Variants in KIAA0825 observed in about 807,000 individuals in gnomAD.
KIAA0825 encodes KIAA0825, also known as uncharacterized protein KIAA0825.
A neutral mutation model predicts 147.6 loss-of-function variants in KIAA0825; 119 were observed. That is an observed-to-expected ratio of 0.81 (90% CI 0.69 to 0.94). KIAA0825 has a LOEUF of 0.94. Among genes scored for constraint, KIAA0825 ranks in the 40% least tolerant of loss-of-function variants. The pLI, the probability that KIAA0825 is intolerant of heterozygous loss-of-function variation, is 0.00. For synonymous variants in KIAA0825, 470 were observed against 518.1 expected (o/e 0.91, Z 1.26); for missense variants, 1,381 against 1,472.7 (o/e 0.94, Z 1.02).
chr5:94,365,135 C>G (rs144156947), intron 20 of KIAA0825, among the ~76,000 whole-genome samples: 242 of 152,292 alleles, frequency 1.6e-3, no homozygotes, highest in African/African-American at 5.4e-3. Flanking sequence ...TCAAGCCTGT[C>G]TGTAAATCCG....
At chr5:94,482,487 G>A (rs934097633) in intron 6 of KIAA0825, among the ~76,000 whole-genome samples, 1 of 151,924 alleles carries the variant, frequency 6.6e-6, no homozygotes, top group Non-Finnish European at 1.5e-5. Context: ...TATTTTCCCC[G>A]CTATTCTCTT....
At chr5:94,307,682 G>C (rs1156922145) in intron 20 of KIAA0825, among the ~76,000 whole-genome samples, 1 of 151,496 alleles carries the variant, frequency 6.6e-6, no homozygotes, top group Non-Finnish European at 1.5e-5. Flanking sequence ...TCAAATTGCA[G>C]GTCAAATTCT....
At chr5:94,280,696 T>C (rs1777416224) in intron 20 of KIAA0825, among the ~76,000 whole-genome samples, 1 of 152,072 alleles carries the variant, frequency 6.6e-6, no homozygotes, top group Admixed American at 6.6e-5. Context: ...GCCACTGTAA[T>C]ATTTCAGGTA....
At chr5:94,475,888 G>A (rs866330594) in intron 7 of KIAA0825, among the ~76,000 whole-genome samples, 1 of 152,114 alleles carries the variant, frequency 6.6e-6, no homozygotes, top group Non-Finnish European at 1.5e-5. Flanking sequence ...TTGTTCTTAT[G>A]AAATATAGTT....
intron 20 of KIAA0825, among the ~76,000 whole-genome samples, chr5:94,280,969 G>C (rs891194637): frequency 6.6e-6 from 1 of 152,050 alleles, no homozygotes; most frequent in Non-Finnish European, 1.5e-5. Context: ...CAAAAGTACT[G>C]ACAATTCAGT....
chr5:94,614,873 T>C (rs1789983933), intron 1 of KIAA0825, among the ~76,000 whole-genome samples: 1 of 152,194 alleles, frequency 6.6e-6, no homozygotes, highest in South Asian at 2.1e-4. Context: ...TCATATCCAC[T>C]AATCTTTTAT....
intron 20 of KIAA0825, among the ~76,000 whole-genome samples, chr5:94,239,192 C>A (rs1290994515): frequency 6.6e-6 from 1 of 152,120 alleles, no homozygotes; most frequent in Non-Finnish European, 1.5e-5. Context: ...CAATTTGTAT[C>A]TTTGAAGGAG....
At chr5:94,355,445 A>C (rs1366926069) in intron 20 of KIAA0825, among the ~76,000 whole-genome samples, 1 of 152,228 alleles carries the variant, frequency 6.6e-6, no homozygotes, top group Non-Finnish European at 1.5e-5. Context: ...GTGAGATTGG[A>C]AAGTAAGTCA....
intron 20 of KIAA0825, among the ~76,000 whole-genome samples, chr5:94,269,656 G>A (rs1327564544): frequency 6.6e-6 from 1 of 151,986 alleles, no homozygotes; most frequent in East Asian, 1.9e-4. Context: ...ATGGGATACA[G>A]TGAAAACAGT....
At chr5:94,251,003 A>G (rs1183913674) in intron 20 of KIAA0825, among the ~76,000 whole-genome samples, 1 of 152,154 alleles carries the variant, frequency 6.6e-6, no homozygotes, top group Non-Finnish European at 1.5e-5. Context: ...GAAGTGTGCA[A>G]TGGGGCACCA....
chr5:94,579,833 T>C (rs1781751994), intron 2 of KIAA0825, among the ~76,000 whole-genome samples: 1 of 152,288 alleles, frequency 6.6e-6, no homozygotes, highest in South Asian at 2.1e-4. Flanking sequence ...ACAATAACAA[T>C]GATTTTAAAT....
chr5:94,514,717 A>G (rs1256129536), intron 5 of KIAA0825, among the ~76,000 whole-genome samples: 2 of 152,232 alleles, frequency 1.3e-5, no homozygotes, highest in African/African-American at 4.8e-5. Flanking sequence ...CTACTTGAGT[A>G]GAAGAGAGAA....
chr5:94,298,635 C>A (rs1232985653), intron 20 of KIAA0825, among the ~76,000 whole-genome samples: 3 of 152,036 alleles, frequency 2.0e-5, no homozygotes, highest in Non-Finnish European at 1.5e-5. Flanking sequence ...TTTTCTTTTT[C>A]CCCTCCTTTC....
intron 16 of KIAA0825, among the ~76,000 whole-genome samples, chr5:94,403,292 C>T (rs1751631786): frequency 6.6e-6 from 1 of 152,140 alleles, no homozygotes. Flanking sequence ...AAAATCATGT[C>T]ACCAATCTGT....
chr5:94,262,568 C>A (rs1210183858), intron 20 of KIAA0825, among the ~76,000 whole-genome samples: 1 of 151,900 alleles, frequency 6.6e-6, no homozygotes, highest in Admixed American at 6.6e-5. Context: ...TTTATGGGAA[C>A]CCATATCATT....
chr5:94,188,042 A>C (rs997718521), intron 20 of KIAA0825, among the ~76,000 whole-genome samples: 1 of 152,202 alleles, frequency 6.6e-6, no homozygotes. Flanking sequence ...GAGACCCCAG[A>C]GAGATTTCTC....
At chr5:94,446,964 T>G (rs1562505438) in intron 13 of KIAA0825, among the ~76,000 whole-genome samples, 1 of 152,046 alleles carries the variant, frequency 6.6e-6, no homozygotes, top group Non-Finnish European at 1.5e-5. Flanking sequence ...TAATGAGACT[T>G]AGTAATGGAT....
intron 13 of KIAA0825, among the ~76,000 whole-genome samples, chr5:94,443,771 C>T (rs1424494493): frequency 1.3e-5 from 2 of 152,044 alleles, no homozygotes; most frequent in Non-Finnish European, 2.9e-5. Flanking sequence ...CTGTATCAAT[C>T]ATACTGTCCT....
chr5:94,369,908 T>A (rs1006916904), intron 20 of KIAA0825, among the ~76,000 whole-genome samples: 7 of 152,042 alleles, frequency 4.6e-5, no homozygotes, highest in Non-Finnish European at 8.8e-5. Flanking sequence ...GAAGCCATAG[T>A]TTCAGCATAA....
Sources: allele counts gnomAD v4.1 joint callset (sites outside exome capture counted in the v4.1 genomes callset), GRCh38; gene constraint gnomAD v4.1.1; transcripts MANE v1.5; gene names NCBI Gene and HGNC (gene_info 2026-07-23, HGNC 2026-07-21).